AFF1: variants seen among roughly 807,000 people sequenced by gnomAD.
AFF1 encodes AF4/FMR2 family member 1.
A neutral mutation model predicts 121.7 loss-of-function variants in AFF1; 48 were observed. The observed-to-expected ratio is 0.39, with a 90% CI of 0.31 to 0.50. AFF1 has a LOEUF of 0.50. AFF1 is among the 20% of genes least tolerant of loss of function. The probability of loss-of-function intolerance (pLI) is 0.76; values close to 1 mark genes in which losing one functional copy is unlikely to be tolerated. For synonymous variants in AFF1, 613 were observed against 563.0 expected, an observed-to-expected ratio of 1.09 and a Z score of -1.26; for missense variants, 1,523 against 1,511.7, an observed-to-expected ratio of 1.01 and a Z score of -0.12.
At chr4:87,120,076 G>A (rs1727528701) in intron 12 of AFF1, among the ~76,000 whole-genome samples, 1 of 152,194 alleles carries the variant, frequency 6.6e-6, no homozygotes, top group Admixed American at 6.5e-5. Context: ...ACCCTGAGGA[G>A]AGCACCACAA....
At chr4:86,971,027 A>G (rs1415143852) in intron 2 of AFF1, among the ~76,000 whole-genome samples, 1 of 152,012 alleles carries the variant, frequency 6.6e-6, no homozygotes, top group Non-Finnish European at 1.5e-5. Context: ...GAGGAGTAGC[A>G]CTCTTCAAAT....
At chr4:86,992,105 G>A (rs571287975) in intron 2 of AFF1, among the ~76,000 whole-genome samples, 24 of 152,236 alleles carry the variant, frequency 1.6e-4, no homozygotes, top group Non-Finnish European at 2.9e-4. Context: ...TTCTATGACT[G>A]CTTCCTCAAG....
intron 2 of AFF1, among the ~76,000 whole-genome samples, chr4:87,023,458 CT>C (rs1319803856): frequency 1.3e-5 from 2 of 152,166 alleles, no homozygotes; most frequent in Admixed American, 6.5e-5. Flanking sequence ...GACAGAACCA[CT>C]TAAATTATTC....
At chr4:87,007,168 C>G (rs1042956299) in intron 2 of AFF1, 65 of 1,347,478 alleles carry the variant, frequency 4.8e-5, no homozygotes, top group Non-Finnish European at 5.8e-5. Flanking sequence ...AAGTGCAGAT[C>G]GCCGCAGAGG....
chr4:87,022,592 A>ATATATATCTC (rs1465084690), intron 2 of AFF1, among the ~76,000 whole-genome samples: 1 of 99,846 alleles, frequency 1.0e-5, no homozygotes, highest in East Asian at 3.4e-4. Flanking sequence ...ATCTATCTAT[A>ATATATATCTC]TCTATCTGTG....
chr4:87,058,331 G>C (rs143540795), intron 4 of AFF1, among the ~76,000 whole-genome samples: 2 of 152,218 alleles, frequency 1.3e-5, no homozygotes, highest in African/African-American at 2.4e-5. Flanking sequence ...TTGCTTTCAT[G>C]TTGGCATCTG....
chr4:86,999,630 C>T (rs1725526633), intron 2 of AFF1, among the ~76,000 whole-genome samples: 2 of 152,162 alleles, frequency 1.3e-5, no homozygotes, highest in South Asian at 2.1e-4. Flanking sequence ...TAGAGAGTTA[C>T]TGATGATATT....
chr4:87,011,158 G>C (rs567201555), intron 2 of AFF1, among the ~76,000 whole-genome samples: 111 of 152,240 alleles, frequency 7.3e-4, no homozygotes, highest in Non-Finnish European at 1.3e-3. Context: ...CCTGGGGCAG[G>C]GGTGTATGCA....
chr4:87,060,311 G>A (rs1436616463), intron 4 of AFF1, among the ~76,000 whole-genome samples: 3 of 151,960 alleles, frequency 2.0e-5, no homozygotes, highest in African/African-American at 7.3e-5. Flanking sequence ...CTCATATATA[G>A]GTGCTTTCTT....
intron 8 of AFF1, among the ~76,000 whole-genome samples, chr4:87,102,278 C>T (rs1486356969): frequency 1.3e-5 from 2 of 152,106 alleles, no homozygotes; most frequent in Non-Finnish European, 2.9e-5. Context: ...GGAAATGAAA[C>T]TTGTTATTTG....
At chr4:87,122,910 T>C (rs1277442944) in intron 12 of AFF1, among the ~76,000 whole-genome samples, 2 of 115,190 alleles carry the variant, frequency 1.7e-5, no homozygotes, top group Non-Finnish European at 3.8e-5. Flanking sequence ...AAAAAAATTC[T>C]TTTTGAGACA....
At chr4:86,971,982 C>G (rs1257863888) in intron 2 of AFF1, among the ~76,000 whole-genome samples, 1 of 151,776 alleles carries the variant, frequency 6.6e-6, no homozygotes, top group African/African-American at 2.4e-5. Context: ...ACAAAAACTT[C>G]AAAAGATTAG....
intron 2 of AFF1, among the ~76,000 whole-genome samples, chr4:86,989,084 C>G (rs1724508440): frequency 6.6e-6 from 1 of 152,136 alleles, no homozygotes; most frequent in Non-Finnish European, 1.5e-5. Context: ...CATAAAAACC[C>G]TAGAAGAAAA....
At chr4:86,961,663 A>C (rs34745873) in intron 2 of AFF1, among the ~76,000 whole-genome samples, 19,991 of 148,842 alleles carry the variant, frequency 0.13, 1,759 homozygotes, top group Middle Eastern at 0.2. Context: ...TAGTTACCCA[A>C]AAAAAAAAAA....
chr4:87,048,676 A>G (rs574687327), intron 4 of AFF1, among the ~76,000 whole-genome samples: 5 of 152,286 alleles, frequency 3.3e-5, no homozygotes, highest in Admixed American at 2.6e-4. Flanking sequence ...CAGGAGGACA[A>G]CTTGTAACTT....
chr4:87,088,403 G>A (rs931287282), intron 5 of AFF1, among the ~76,000 whole-genome samples: 8 of 152,214 alleles, frequency 5.3e-5, no homozygotes, highest in Non-Finnish European at 1.0e-4. Flanking sequence ...GAAGGGCAAC[G>A]GGAGACCTGC....
At chr4:87,084,562 AAATAAATAAAT>A (rs775602514) in intron 5 of AFF1, among the ~76,000 whole-genome samples, 2 of 76,840 alleles carry the variant, frequency 2.6e-5, no homozygotes, top group African/African-American at 4.3e-5. Context: ...ATAAATAAAT[AAATAAATAAAT>A]AAATAAATAA....
intron 2 of AFF1, among the ~76,000 whole-genome samples, chr4:87,032,801 T>C (rs533020224): frequency 2.6e-5 from 4 of 152,246 alleles, no homozygotes; most frequent in Admixed American, 6.5e-5. Context: ...TTTTTTTTGG[T>C]TTATTCAGTA....
intron 2 of AFF1, among the ~76,000 whole-genome samples, chr4:86,991,377 G>A (rs1724694554): frequency 6.6e-6 from 1 of 151,838 alleles, no homozygotes; most frequent in South Asian, 2.1e-4. Flanking sequence ...CCTGGGAGGC[G>A]GACCTTGCAG....
Sources: gnomAD v4.1 joint callset for allele counts (sites outside exome capture counted in the v4.1 genomes callset) on GRCh38, gnomAD v4.1.1 for gene constraint, MANE v1.5 for transcripts, NCBI Gene and HGNC (gene_info 2026-07-23, HGNC 2026-07-21) for gene names.